BNC2: variants seen among roughly 807,000 people sequenced by gnomAD.
BNC2 encodes the protein basonuclin zinc finger protein 2.
A neutral mutation model predicts 76.3 loss-of-function variants in BNC2; 20 were observed. The ratio of observed to expected loss-of-function variants is 0.26; its 90% CI spans 0.18 to 0.38. The LOEUF (loss-of-function observed/expected upper bound fraction) is 0.38. BNC2 is among the 10% of genes least tolerant of loss of function. The pLI is 1.00. For synonymous variants in BNC2, 582 were observed against 514.8 expected, an observed-to-expected ratio of 1.13 and a Z score of -1.77; for missense variants, 1,382 against 1,399.8, an observed-to-expected ratio of 0.99 and a Z score of 0.20.
intron 3 of BNC2, among the ~76,000 whole-genome samples, chr9:16,701,876 A>G (rs1823524240): frequency 7.6e-6 from 1 of 132,110 alleles, no homozygotes; most frequent in Non-Finnish European, 1.6e-5. Flanking sequence ...CGGGAGGCGG[A>G]GGCTGCAGTG....
chr9:16,578,051 G>GT (rs1361898688), intron 4 of BNC2, among the ~76,000 whole-genome samples: 2 of 150,702 alleles, frequency 1.3e-5, no homozygotes, highest in African/African-American at 2.4e-5. Flanking sequence ...ATTTTTTTTT[G>GT]TTTTTTTCCA....
At chr9:16,463,589 C>T (rs1187417020) in intron 5 of BNC2, among the ~76,000 whole-genome samples, 2 of 143,994 alleles carry the variant, frequency 1.4e-5, no homozygotes, top group Middle Eastern at 3.5e-3. Flanking sequence ...AGCCACCGCG[C>T]CCGGCCAAAT....
At chr9:16,793,716 A>G (rs1361991240) in intron 1 of BNC2, among the ~76,000 whole-genome samples, 1 of 123,326 alleles carries the variant, frequency 8.1e-6, no homozygotes, top group African/African-American at 3.1e-5. Context: ...CCCAGGCTTG[A>G]GTGCAGTGGC....
intron 5 of BNC2, among the ~76,000 whole-genome samples, chr9:16,458,904 A>G (rs1037016525): frequency 6.6e-6 from 1 of 152,190 alleles, no homozygotes; most frequent in Non-Finnish European, 1.5e-5. Context: ...GGAGAGAACA[A>G]TGAGCAAATA....
intron 5 of BNC2, among the ~76,000 whole-genome samples, chr9:16,437,837 A>T (rs937176416): frequency 1.3e-5 from 2 of 152,204 alleles, no homozygotes; most frequent in East Asian, 3.9e-4. Flanking sequence ...TGATCTATAT[A>T]CTATGCAACT....
At chr9:16,774,020 T>C (rs1825898139) in intron 1 of BNC2, among the ~76,000 whole-genome samples, 1 of 152,148 alleles carries the variant, frequency 6.6e-6, no homozygotes, top group African/African-American at 2.4e-5. Context: ...CTCACTCTAT[T>C]GCCCAGGCTG....
At chr9:16,510,683 A>T (rs1247686012) in intron 5 of BNC2, among the ~76,000 whole-genome samples, 1 of 152,200 alleles carries the variant, frequency 6.6e-6, no homozygotes, top group East Asian at 1.9e-4. Flanking sequence ...ATGGCACATG[A>T]CAGGATAGGG....
intron 3 of BNC2, among the ~76,000 whole-genome samples, chr9:16,714,616 G>C (rs967706938): frequency 2.6e-5 from 4 of 152,192 alleles, no homozygotes; most frequent in African/African-American, 9.6e-5. Flanking sequence ...CCAACAACTT[G>C]TTATGTTTAA....
chr9:16,788,324 T>C (rs373563760), intron 1 of BNC2, among the ~76,000 whole-genome samples: 59 of 151,356 alleles, frequency 3.9e-4, no homozygotes, highest in Non-Finnish European at 6.5e-4. Flanking sequence ...GAGGCCAAGG[T>C]GGGCAGATCA....
intron 1 of BNC2, among the ~76,000 whole-genome samples, chr9:16,816,107 T>C (rs1177819327): frequency 2.0e-5 from 3 of 152,172 alleles, no homozygotes; most frequent in Admixed American, 2.0e-4. Flanking sequence ...TCCCTTTAAT[T>C]ACCTGACAAA....
intron 3 of BNC2, among the ~76,000 whole-genome samples, chr9:16,642,228 G>A (rs1821509673): frequency 6.6e-6 from 1 of 152,062 alleles, no homozygotes; most frequent in Non-Finnish European, 1.5e-5. Flanking sequence ...AGCACATAAG[G>A]ATTTTTTTAA....
chr9:16,855,011 T>C (rs529398599), intron 1 of BNC2, among the ~76,000 whole-genome samples: 13 of 151,994 alleles, frequency 8.6e-5, no homozygotes, highest in Admixed American at 2.0e-4. Flanking sequence ...GAACAACATT[T>C]GGATTATAAT....
At chr9:16,709,345 C>A (rs560121163) in intron 3 of BNC2, among the ~76,000 whole-genome samples, 1 of 152,314 alleles carries the variant, frequency 6.6e-6, no homozygotes, top group Admixed American at 6.5e-5. Context: ...ACGCTGCCAT[C>A]GTCAGAATTT....
intron 5 of BNC2, among the ~76,000 whole-genome samples, chr9:16,481,259 T>A (rs1464308122): frequency 6.6e-6 from 1 of 152,064 alleles, no homozygotes; most frequent in Non-Finnish European, 1.5e-5. Flanking sequence ...CAGCAGGATG[T>A]GGGTGGGGCC....
At chr9:16,811,832 G>A (rs1019548154) in intron 1 of BNC2, among the ~76,000 whole-genome samples, 1 of 152,142 alleles carries the variant, frequency 6.6e-6, no homozygotes, top group Non-Finnish European at 1.5e-5. Flanking sequence ...AACATTGGTG[G>A]GCCTGATGGT....
At chr9:16,694,197 G>A (rs1445245281) in intron 3 of BNC2, among the ~76,000 whole-genome samples, 1 of 152,130 alleles carries the variant, frequency 6.6e-6, no homozygotes, top group Admixed American at 6.5e-5. Flanking sequence ...AAGGGAAAAA[G>A]GGTGATTGAA....
At chr9:16,423,344 TGGAA>T (rs1011042188) in intron 6 of BNC2, among the ~76,000 whole-genome samples, 45 of 152,252 alleles carry the variant, frequency 3.0e-4, no homozygotes, top group African/African-American at 9.6e-4. Flanking sequence ...GAAAGATATA[TGGAA>T]GGAAGTTCCT....
chr9:16,588,994 T>C (rs1281406149), intron 3 of BNC2, among the ~76,000 whole-genome samples: 1 of 152,208 alleles, frequency 6.6e-6, no homozygotes, highest in Non-Finnish European at 1.5e-5. Context: ...ATGCAAAATA[T>C]GGCCTTTGGG....
chr9:16,671,965 G>C (rs1307334429), intron 3 of BNC2, among the ~76,000 whole-genome samples: 1 of 152,198 alleles, frequency 6.6e-6, no homozygotes, highest in Non-Finnish European at 1.5e-5. Context: ...TTATGCCACA[G>C]TTTCTCTCAT....
Sources: gnomAD v4.1 joint callset for allele counts (sites outside exome capture counted in the v4.1 genomes callset) on GRCh38, gnomAD v4.1.1 for gene constraint, MANE v1.5 for transcripts, NCBI Gene and HGNC (gene_info 2026-07-23, HGNC 2026-07-21) for gene names.